ZFYVE21: variants seen among roughly 807,000 people sequenced by gnomAD.
The protein encoded by ZFYVE21 is zinc finger FYVE domain-containing protein 21.
Under a neutral mutation model 29.5 loss-of-function variants are expected in ZFYVE21, and 21 were observed. The observed-to-expected ratio is 0.71, with a 90% CI of 0.50 to 1.02. The LOEUF is 1.02. ZFYVE21 is among the 50% of genes least tolerant of loss of function. ZFYVE21 has a pLI of 0.00. For missense variants in ZFYVE21, 326 were observed against 335.4 expected (o/e 0.97, Z 0.22); for synonymous variants, 151 against 133.8 (o/e 1.13, Z -0.89).
In ZFYVE21 at chr14:103,733,248, T is replaced by A; in HGVS notation, c.*230T>A. 1 of 561,292 alleles carries A rather than the reference T, an allele frequency of 1.8e-6. No individual in the cohort carries two copies. Among genetic ancestry groups the A allele is most frequent in the Non-Finnish European group, 3.1e-6 (1 of 319,862 alleles). 34.8% of individuals were successfully genotyped at this position (561,292 alleles called of 1,614,324 possible). ...TTTAGAATTTGTGTATTGTCAATACTTAATTGGGGGTGGGAGAGACTGAGC... is the reference window on the plus strand; with the variant it reads ...TTTAGAATTTGTGTATTGTCAATACATAATTGGGGGTGGGAGAGACTGAGC... On this transcript the variant is annotated 3_prime_UTR_variant, in exon 7 of 7. Coordinates refer to ENST00000311141, the MANE Select transcript of ZFYVE21 (RefSeq NM_024071.4).
rs763658442 is a variant in ZFYVE21 at position 103,732,626 on chromosome 14, AC to A, written c.534del (p.Asn178LysfsTer19). On this transcript the variant is annotated frameshift_variant, in exon 6 of 7. Transcript: ENST00000311141. LOFTEE classifies it high-confidence loss of function. ...CCTCGTCTCTCTCCTCCAGGAGGCA[AC>A]GCACGGGCCACAGGCATGTTCCTGC... Reference protein sequence around the residue: ...LTEGFPPGGGNARATGMFLQY... With the variant: ...LTEGFPPGGGXARATGMFLQY... 6.4e-7 allele frequency: 1 copy of A among 1,573,598 alleles called. No individual in the cohort carries two copies. Among genetic ancestry groups the A allele is most frequent in the Non-Finnish European group, 8.6e-7 (1 of 1,162,356 alleles).
intron 1 of ZFYVE21, among the ~76,000 whole-genome samples, chr14:103,719,798 C>T (rs1468067771): frequency 6.6e-6 from 1 of 152,084 alleles, no homozygotes; most frequent in Non-Finnish European, 1.5e-5. Flanking sequence ...GCGAGCTCCT[C>T]AAGGGTCCCT....
At chr14:103,723,648 G>A (rs2083893072) in intron 1 of ZFYVE21, among the ~76,000 whole-genome samples, 1 of 152,246 alleles carries the variant, frequency 6.6e-6, no homozygotes, top group South Asian at 2.1e-4. Context: ...CGTCTGAAGG[G>A]CCCCTGATGT....
At position 103,716,911 on chromosome 14, in the gene ZFYVE21, AT is replaced by A. The variant is rs1567067128; in HGVS notation, c.138+934del. Among the ~76,000 whole-genome samples the A allele has an allele frequency of 1.3e-5, 2 of 152,188 alleles. No individual in the cohort carries two copies. Among genetic ancestry groups the A allele is most frequent in the Non-Finnish European group, 2.9e-5 (2 of 68,036 alleles). On this transcript the variant is annotated intron_variant, in intron 1 of 6. Transcript: ENST00000311141. The surrounding 1 kb of genome is among the most constrained non-coding windows in gnomAD (Gnocchi z 4.8). The stretch of plus-strand genomic sequence containing the variant: ...TGGATTTTACCACGATAAAAAAAAA[AT>A]TGGGGGAGAAAAAGAATTTTTGTAA...
intron 1 of ZFYVE21, chr14:103,724,681 C>T (rs966422331): frequency 6.6e-6 from 1 of 152,248 alleles, no homozygotes; most frequent in African/African-American, 2.4e-5. Flanking sequence ...CCTTAATCAT[C>T]AGAAGCCAAA....
chr14:103,727,395 C>T (rs1441998608), intron 2 of ZFYVE21: 11 of 407,208 alleles, frequency 2.7e-5, no homozygotes, highest in South Asian at 1.7e-4. Flanking sequence ...GCCCCGTCCC[C>T]GTGCCGCTTT....
chr14:103,719,687 C>T (rs747541101), intron 1 of ZFYVE21, among the ~76,000 whole-genome samples: 14 of 151,856 alleles, frequency 9.2e-5, no homozygotes, highest in Admixed American at 9.2e-4. Flanking sequence ...AGGATCTCAG[C>T]GCTTGGGTAA....
Position 103,716,461 on chromosome 14 carries a change from G to C in ZFYVE21, c.138+482G>C, listed in dbSNP as rs2083814345. Among the ~76,000 whole-genome samples, 2 of 152,202 alleles carry C rather than the reference G, an allele frequency of 1.3e-5. No individual in the cohort carries two copies. The highest frequency in any genetic ancestry group is 4.8e-5 in the African/African-American group (2 of 41,458). The stretch of plus-strand genomic sequence containing the variant: ...TGGCGGCCCCGCAGGGGTCCCTCCC[G>C]GGAACCGGGGGAGGCGTCGGTGCCG... On this transcript the variant is annotated intron_variant, in intron 1 of 6. Transcript: ENST00000311141. The surrounding 1 kb of genome is among the most constrained non-coding windows in gnomAD (Gnocchi z 4.8).
At chr14:103,729,732 G>A (rs377530065) in intron 5 of ZFYVE21, 99 of 1,529,246 alleles carry the variant, frequency 6.5e-5, no homozygotes, top group East Asian at 1.2e-4. Context: ...CTTTCCTTCC[G>A]TTCTCTCACC....
rs923584184 is a variant in ZFYVE21 at position 103,716,468 on chromosome 14, G to C, written c.138+489G>C. The stretch of plus-strand genomic sequence containing the variant: ...CCCGCAGGGGTCCCTCCCGGGAACC[G>C]GGGGAGGCGTCGGTGCCGCGGGCGG... On this transcript the variant is annotated intron_variant, in intron 1 of 6. Transcript: ENST00000311141. This position sits in a 1 kb window ranked among gnomAD's most constrained non-coding sequence, Gnocchi z 4.8. 3.3e-5 allele frequency among the ~76,000 whole-genome samples: 5 copies of C among 152,216 alleles called. No homozygotes were observed. The highest frequency in any genetic ancestry group is 9.6e-5 in the African/African-American group (4 of 41,472).
intron 5 of ZFYVE21, 33 bp downstream of exon 5, chr14:103,729,215 AG>A (rs767313529): frequency 6.2e-7 from 1 of 1,610,736 alleles, no homozygotes; most frequent in South Asian, 1.1e-5. Flanking sequence ...CTAAGCCAGG[AG>A]GGTTTGGTGC....
rs746158913 is a variant in ZFYVE21 at position 103,726,778 on chromosome 14, C to T, written c.139-14C>T. On this transcript the variant is annotated splice_polypyrimidine_tract_variant and intron_variant, in intron 1 of 6. Transcript: ENST00000311141. ...ACCAAGCTGCGTTTTAACGCTTTGT[C>T]GTGTCTTTCCTAGTGTCGGAGATGT... The T allele has an allele frequency of 1.9e-5, 31 of 1,613,666 alleles. No individual in the cohort carries two copies. In the Admixed American group the frequency reaches 3.2e-4, roughly 16 times the overall value.
chr14:103,720,615 A>G (rs2083864344), intron 1 of ZFYVE21, among the ~76,000 whole-genome samples: 3 of 152,056 alleles, frequency 2.0e-5, no homozygotes, highest in Admixed American at 1.3e-4. Flanking sequence ...ATACTTTCAG[A>G]TTATATGGAG....
At position 103,723,623 on chromosome 14, in the gene ZFYVE21, C is replaced by T. The variant is rs151230263; in HGVS notation, c.139-3169C>T. Among the ~76,000 whole-genome samples the T allele has an allele frequency of 5.9e-3, 895 of 152,326 alleles. 7 individuals carry two copies. Among genetic ancestry groups the T allele is most frequent in the Non-Finnish European group, 1.0e-2 (679 of 68,018 alleles). On this transcript the variant is annotated intron_variant, in intron 1 of 6. Coordinates refer to ENST00000311141, the MANE Select transcript of ZFYVE21 (RefSeq NM_024071.4). ...TCGTGTGGGTCGCGACGGGCCAGTC[C>T]TTGCTGCAGAATGGCGTCTGAAGGG... is the stretch of plus-strand genomic sequence containing the variant.
chr14:103,727,593 A>G (rs1016510733), intron 2 of ZFYVE21, 153 bp from the exon 3 acceptor site: 4 of 957,750 alleles, frequency 4.2e-6, no homozygotes, highest in African/African-American at 3.2e-5. Flanking sequence ...TGGGGAGCCC[A>G]GGGGCTGGCG....
intron 1 of ZFYVE21, among the ~76,000 whole-genome samples, chr14:103,719,622 T>G (rs1396741207): frequency 6.6e-6 from 1 of 151,940 alleles, no homozygotes; most frequent in Non-Finnish European, 1.5e-5. Context: ...AGGGTGGTTC[T>G]CGGTGGAAGG....
intron 1 of ZFYVE21, among the ~76,000 whole-genome samples, chr14:103,720,389 T>TG (rs1347461071): frequency 6.6e-6 from 1 of 152,106 alleles, no homozygotes; most frequent in African/African-American, 2.4e-5. Flanking sequence ...GGCGAGTTCT[T>TG]GGGGGGCTGA....
rs1387551600 is a variant in ZFYVE21, at chr14:103,716,063, G to T, written c.138+84G>T. The T allele has an allele frequency of 1.8e-5, 20 of 1,141,422 alleles. No homozygotes were observed. The highest frequency in any genetic ancestry group is 2.1e-5 in the Non-Finnish European group (19 of 926,058). 70.7% of individuals were successfully genotyped at this position (1,141,422 alleles called of 1,614,324 possible). A position where few individuals can be genotyped will look rare whatever the true frequency, so the allele number is the denominator to read the frequency against. On this transcript the variant is annotated intron_variant, in intron 1 of 6. Coordinates refer to ENST00000311141, the MANE Select transcript of ZFYVE21 (RefSeq NM_024071.4). The surrounding 1 kb of genome is among the most constrained non-coding windows in gnomAD (Gnocchi z 4.8). ...CCGCGGGCTTCCAGGCTCCCGCGAC[G>T]ACCCCTCCGCCTCCGGGCGGCCCCT...
intron 1 of ZFYVE21, chr14:103,726,531 C>G (rs73363093): frequency 5.7e-4 from 267 of 471,262 alleles, no homozygotes; most frequent in Middle Eastern, 2.2e-3. Context: ...ACAGTCAAAC[C>G]CCAAGCCCAC....
Sources: allele counts gnomAD v4.1 joint callset (sites outside exome capture counted in the v4.1 genomes callset), GRCh38; gene constraint gnomAD v4.1.1; non-coding constraint Gnocchi (gnomAD v3.1); transcripts MANE v1.5; gene names NCBI Gene and HGNC (gene_info 2026-07-23, HGNC 2026-07-21).